Variants in PDE2A observed in about 807,000 individuals in gnomAD.
PDE2A encodes the protein phosphodiesterase 2A, also known as cGMP-dependent 3',5'-cyclic phosphodiesterase.
PDE2A carries 53 observed loss-of-function variants against 133.6 expected under a neutral mutation model. The observed-to-expected ratio is 0.40, with a 90% confidence interval of 0.32 to 0.50. PDE2A has a LOEUF of 0.50. PDE2A is among the 20% of genes least tolerant of loss of function. The pLI is 0.73. For synonymous variants in PDE2A, 491 were observed against 490.2 expected, an observed-to-expected ratio of 1.00 and a Z score of -0.02; for missense variants, 796 against 1,232.4, an observed-to-expected ratio of 0.65 and a Z score of 5.30.
intron 2 of PDE2A, chr11:72,630,956 G>A (rs567458538): frequency 4.0e-6 from 3 of 747,894 alleles, no homozygotes; most frequent in Middle Eastern, 2.8e-4. Flanking sequence ...CTGGAGGGCT[G>A]GGGCTGGGAT....
Position 72,578,413 on chromosome 11 carries a change from C to G in PDE2A, c.2508+63G>C. 1.3e-6 allele frequency: 2 copies of G among 1,577,060 alleles called. No homozygotes were observed. Among genetic ancestry groups the G allele is most frequent in the Non-Finnish European group, 8.7e-7 (1 of 1,146,202 alleles). On this transcript the variant is annotated intron_variant, in intron 29 of 30. Transcript: ENST00000334456. This position sits in a 1 kb window ranked among gnomAD's most constrained non-coding sequence, Gnocchi z 4.2. ...TACCAGGGTCAGGCTAGTTCAAGCCCTCCCTGTCCCAGGCCAGGAACCCTC... is the reference window on the plus strand; with the variant it reads ...TACCAGGGTCAGGCTAGTTCAAGCCGTCCCTGTCCCAGGCCAGGAACCCTC...
chr11:72,672,286 A>G (rs1399280944), intron 1 of PDE2A, among the ~76,000 whole-genome samples: 1 of 151,790 alleles, frequency 6.6e-6, no homozygotes, highest in Non-Finnish European at 1.5e-5. Context: ...AGCGATTCTC[A>G]TATTCTCATG....
chr11:72,578,618 G>GTTT lies in PDE2A; in HGVS notation c.2470-105_2470-104insAAA. ...GAGAAAACTGAGGCCCAGGGATTCA[G>GTTT]TCCCAGCTCAGGAGCCGTCCCCACC... On this transcript the variant is annotated intron_variant, in intron 28 of 30. Coordinates refer to ENST00000334456, the MANE Select transcript of PDE2A (RefSeq NM_002599.5). The surrounding 1 kb of genome is among the most constrained non-coding windows in gnomAD (Gnocchi z 4.2). The GTTT allele has an allele frequency of 9.6e-7, 1 of 1,041,740 alleles. No individual in the cohort carries two copies. The highest frequency in any genetic ancestry group is 1.5e-6 in the Non-Finnish European group (1 of 672,182). 64.5% of individuals were successfully genotyped at this position (1,041,740 alleles called of 1,614,324 possible).
chr11:72,642,505 C>A (rs1275340502), intron 1 of PDE2A, 179 bp from the exon 2 acceptor site: 1 of 574,628 alleles, frequency 1.7e-6, no homozygotes. Flanking sequence ...CCGCCCCCGG[C>A]CCGCCCCGGC....
At chr11:72,603,464 A>G (rs76321528) in intron 4 of PDE2A, among the ~76,000 whole-genome samples, 6,270 of 152,152 alleles carry the variant, frequency 0.041, 433 homozygotes, top group African/African-American at 0.14. Flanking sequence ...GGTCCTAGGG[A>G]GTGAAGCAAA....
rs910986118 is a variant in PDE2A at position 72,577,255 on chromosome 11, C to T, written c.*129G>A. On this transcript the variant is annotated 3_prime_UTR_variant, in exon 31 of 31. Coordinates refer to ENST00000334456, the MANE Select transcript of PDE2A (RefSeq NM_002599.5). ...AAAGCTGAGGCCCAGGAAGGTAGTACTTGTCCAGGGTCACACAGGAAGTCC... is the reference window on the plus strand; with the variant it reads ...AAAGCTGAGGCCCAGGAAGGTAGTATTTGTCCAGGGTCACACAGGAAGTCC... 3.1e-6 allele frequency: 2 copies of T among 650,544 alleles called. No individual in the cohort carries two copies. The highest frequency in any genetic ancestry group is 1.8e-5 in the African/African-American group (1 of 55,088). 40.3% of individuals were successfully genotyped at this position (650,544 alleles called of 1,614,324 possible). A position where few individuals can be genotyped will look rare whatever the true frequency, so the allele number is the denominator to read the frequency against.
At chr11:72,672,904 A>G (rs1565202465) in intron 1 of PDE2A, among the ~76,000 whole-genome samples, 1 of 152,044 alleles carries the variant, frequency 6.6e-6, no homozygotes, top group Non-Finnish European at 1.5e-5. Flanking sequence ...TCAGTGGGCC[A>G]TGGTGTCCCA....
chr11:72,589,768 C>G lies in PDE2A; in HGVS notation c.856G>C (p.Glu286Gln). The G allele has an allele frequency of 6.2e-7, 1 of 1,613,836 alleles. No homozygotes were observed. The highest frequency in any genetic ancestry group is 8.5e-7 in the Non-Finnish European group (1 of 1,179,926). ...GGACTCACGGGAAAGCTGACCTCTT[C>G]CCCGAGCACTTTGTCTCCGATGACC... Reference protein sequence around the residue: ...CKVIGDKVLGEEVSFPLTGCL... With the variant: ...CKVIGDKVLGQEVSFPLTGCL... Residue 286 changes from glutamate to glutamine, a missense_variant, in exon 11 of 31, where the codon GAA (glutamate) becomes CAA (glutamine). Physicochemically the swap from Glu to Gln is conservative, Grantham distance 29 (BLOSUM62 2). This residue lies in a region of PDE2A where 417 missense variants were observed against 475.3 expected (regional missense o/e 0.88). Transcript: ENST00000334456.
rs1856188299 is a variant in PDE2A, at chr11:72,590,406, C to A, written c.703+21G>T. 6.3e-7 allele frequency: 1 copy of A among 1,576,198 alleles called. No individual in the cohort carries two copies. On this transcript the variant is annotated intron_variant, in intron 8 of 30. Coordinates refer to ENST00000334456, the MANE Select transcript of PDE2A (RefSeq NM_002599.5). This position sits in a 1 kb window ranked among gnomAD's most constrained non-coding sequence, Gnocchi z 4.8. ...TTCTGCCCGGCCCCGCCCTCGTGAC[C>A]TGTCCAGGCCGGGCCCTCACCGCAC... is the stretch of plus-strand genomic sequence containing the variant.
intron 1 of PDE2A, among the ~76,000 whole-genome samples, chr11:72,645,340 G>A (rs1016879618): frequency 3.9e-5 from 6 of 152,176 alleles, no homozygotes; most frequent in African/African-American, 1.4e-4. Context: ...GCTTGGTAGA[G>A]TGCAGAGCCC....
At chr11:72,649,396 C>T (rs1441981075) in intron 1 of PDE2A, 1 of 152,306 alleles carries the variant, frequency 6.6e-6, no homozygotes, top group Non-Finnish European at 1.5e-5. Flanking sequence ...GTGCCTCCCC[C>T]ATCAGACTGG....
At chr11:72,642,874 G>T in intron 1 of PDE2A, 1 of 154,608 alleles carries the variant, frequency 6.5e-6, no homozygotes, top group Non-Finnish European at 1.5e-5. Context: ...CCTCGGGCTT[G>T]CTCCTCTCCC....
chr11:72,600,618 C>T (rs1303019813), intron 4 of PDE2A, among the ~76,000 whole-genome samples: 1 of 152,134 alleles, frequency 6.6e-6, no homozygotes, highest in Non-Finnish European at 1.5e-5. Flanking sequence ...GGAGCGGGAG[C>T]TTCGTCCACT....
rs60388212 is a variant in PDE2A at position 72,630,002 on chromosome 11, T to TCA, written c.144+12250_144+12251dup. Among the ~76,000 whole-genome samples, 348 of 150,926 alleles carry TCA rather than the reference T, an allele frequency of 2.3e-3. 3 individuals are homozygous for TCA. Among genetic ancestry groups the TCA allele is most frequent in the African/African-American group, 7.9e-3 (326 of 41,278 alleles). ...GTGGGTCCAGTTCTCTCTCTCTCTC[T>TCA]CACACACACACACACCCTCCTCTGT... is the stretch of plus-strand genomic sequence containing the variant. On this transcript the variant is annotated intron_variant, in intron 2 of 30. Transcript: ENST00000334456.
chr11:72,578,459 G>A lies in PDE2A; in HGVS notation c.2508+17C>T, dbSNP rs1298696595. 2 of 1,610,924 alleles carry A rather than the reference G, an allele frequency of 1.2e-6. No individual in the cohort carries two copies. The highest frequency in any genetic ancestry group is 1.1e-5 in the South Asian group (1 of 91,008). On this transcript the variant is annotated intron_variant, in intron 29 of 30. Coordinates refer to ENST00000334456, the MANE Select transcript of PDE2A (RefSeq NM_002599.5). This position sits in a 1 kb window ranked among gnomAD's most constrained non-coding sequence, Gnocchi z 4.2. Reference sequence around the variant, plus strand: ...CCCTCCCCCATCCTGGACATCCTGGGGTCACTCCACACATACCAGGTCTCC... The same window carrying A: ...CCCTCCCCCATCCTGGACATCCTGGAGTCACTCCACACATACCAGGTCTCC...
In PDE2A at chr11:72,577,300, C is replaced by T. The variant is rs1331668248; in HGVS notation, c.*84G>A. 6 of 1,025,586 alleles carry T rather than the reference C, an allele frequency of 5.9e-6. No homozygotes were observed. The highest frequency in any genetic ancestry group is 5.8e-5 in the Admixed American group (3 of 51,422). The allele number at this position is 1,025,586 out of a possible 1,614,324, so 63.5% of individuals were successfully genotyped here. A position where few individuals can be genotyped will look rare whatever the true frequency, so the allele number is the denominator to read the frequency against. ...AAGTCCTGGTCTAGGACCCAGGACC[C>T]GTGGCTCTGTTCCCAGTGCATCTGG... is the stretch of plus-strand genomic sequence containing the variant. On this transcript the variant is annotated 3_prime_UTR_variant, in exon 31 of 31. Transcript: ENST00000334456.
intron 2 of PDE2A, among the ~76,000 whole-genome samples, chr11:72,638,024 G>A (rs1858779001): frequency 6.6e-6 from 1 of 152,136 alleles, no homozygotes. Context: ...CCCCAGCTGT[G>A]GCTGGGAAAC....
chr11:72,588,221 T>G (rs1427833242), intron 13 of PDE2A, among the ~76,000 whole-genome samples: 1 of 152,196 alleles, frequency 6.6e-6, no homozygotes, highest in East Asian at 1.9e-4. Context: ...GTGTAGGATA[T>G]GAAATTTATT....
chr11:72,602,259 C>T lies in PDE2A; in HGVS notation c.323+2879G>A, dbSNP rs546476214. On this transcript the variant is annotated intron_variant, in intron 4 of 30. Transcript: ENST00000334456. ...CTGAGAGCCCAAACAGCGGCAGGAA[C>T]AGGGACAGGTGGGGCTGGGAGCTGG... Among the ~76,000 whole-genome samples the T allele has an allele frequency of 2.0e-5, 3 of 152,338 alleles. No homozygotes were observed. In the South Asian group the frequency reaches 6.2e-4, roughly 32 times the overall value.
Sources: gnomAD v4.1 joint callset for allele counts (sites outside exome capture counted in the v4.1 genomes callset) on GRCh38, gnomAD v4.1.1 for gene constraint, gnomAD v4.1.1 regional missense constraint, Gnocchi (gnomAD v3.1) non-coding constraint, MANE v1.5 for transcripts, NCBI Gene and HGNC (gene_info 2026-07-23, HGNC 2026-07-21) for gene names.